The following DST variants were observed in gnomAD, a reference collection of about 807,000 sequenced individuals.
DST encodes the protein bullous pemphigoid antigen.
Under a neutral mutation model 875.2 loss-of-function variants are expected in DST, and 253 were observed. The observed-to-expected ratio is 0.29, with a 90% CI of 0.26 to 0.32. DST has a LOEUF of 0.32. Among genes scored for constraint, DST ranks in the 10% least tolerant of loss-of-function variants. The pLI is 1.00. For missense variants in DST, 8,287 were observed against 9,111.6 expected (o/e 0.91, Z 3.68); for synonymous variants, 3,124 against 3,197.1 (o/e 0.98, Z 0.77).
At chr6:56,575,065 C>T (rs2097844572) in intron 50 of DST, among the ~76,000 whole-genome samples, 1 of 152,132 alleles carries the variant, frequency 6.6e-6, no homozygotes, top group Non-Finnish European at 1.5e-5. Flanking sequence ...TCATGCTCCT[C>T]TTACTAAAAC....
intron 90 of DST, 68 bp from the exon 91 acceptor site, chr6:56,477,556 G>A: frequency 2.5e-6 from 4 of 1,584,402 alleles, no homozygotes; most frequent in Non-Finnish European, 3.5e-6. Context: ...GGTGGCATTT[G>A]TTTGACTGCC....
chr6:56,818,467 C>CA (rs944579010), intron 4 of DST, among the ~76,000 whole-genome samples: 2 of 152,012 alleles, frequency 1.3e-5, no homozygotes, highest in African/African-American at 4.8e-5. Context: ...TATGACAGAC[C>CA]AAATGGAGCA....
chr6:56,636,763 T>C (rs964627870), intron 22 of DST, 111 bp from the exon 23 acceptor site: 4 of 923,504 alleles, frequency 4.3e-6, no homozygotes, highest in African/African-American at 3.2e-5. Flanking sequence ...AGATGACCAA[T>C]TGTTTTGGCA....
intron 88 of DST, chr6:56,483,945 A>C (rs2095484783): frequency 6.6e-6 from 1 of 152,172 alleles, no homozygotes; most frequent in South Asian, 2.1e-4. Flanking sequence ...GCACACATGC[A>C]AATGGTACAG....
chr6:56,496,607 A>G (rs978110165), intron 82 of DST, among the ~76,000 whole-genome samples: 1 of 152,110 alleles, frequency 6.6e-6, no homozygotes, highest in Non-Finnish European at 1.5e-5. Context: ...TCAAGGCACA[A>G]TAATTTAATA....
intron 47 of DST, 75 bp downstream of exon 47, chr6:56,597,665 C>T: frequency 3.4e-6 from 5 of 1,460,646 alleles, no homozygotes; most frequent in Non-Finnish European, 4.6e-6. Flanking sequence ...GAAAAGAACT[C>T]ATGTGCTAGG....
intron 47 of DST, 46 bp from the exon 48 acceptor site, chr6:56,594,239 A>G (rs747310497): frequency 3.8e-5 from 56 of 1,471,918 alleles, no homozygotes; most frequent in Middle Eastern, 3.6e-4. Flanking sequence ...GTAACGGGGT[A>G]ACACCTGCAG....
At chr6:56,668,295 C>G (rs2152823734) in intron 10 of DST, among the ~76,000 whole-genome samples, 1 of 152,314 alleles carries the variant, frequency 6.6e-6, no homozygotes, top group Admixed American at 6.5e-5. Flanking sequence ...AGCCACTAAA[C>G]CTTCACTCAA....
intron 88 of DST, among the ~76,000 whole-genome samples, chr6:56,483,358 G>A (rs886734869): frequency 1.3e-5 from 2 of 152,036 alleles, no homozygotes; most frequent in Non-Finnish European, 1.5e-5. Flanking sequence ...TGTGTACCAC[G>A]GATGTCTTAG....
In DST at chr6:56,607,525, T is replaced by G. The variant is rs2098509017; in HGVS notation, c.7103A>C (p.Asn2368Thr). The change falls in exon 40 of 104, where the codon AAC (asparagine) becomes ACC (threonine). Residue 2368 changes from asparagine to threonine, a missense_variant. Transcript: ENST00000680361. Reference sequence around the variant, plus strand: ...TTCCACTCGGCTTTGATTTTCATAGTTTGTAAGTATGTTTTCAGAGTCACT... The same window carrying G: ...TTCCACTCGGCTTTGATTTTCATAGGTTGTAAGTATGTTTTCAGAGTCACT... ...LRSDSENILT[N>T]YENQSRVETN... The G allele has an allele frequency of 6.2e-7, 1 of 1,602,836 alleles. No individual in the cohort carries two copies. The highest frequency in any genetic ancestry group is 2.2e-5 in the East Asian group (1 of 44,554).
chr6:56,706,012 GAAA>G (rs1451328493), intron 5 of DST, among the ~76,000 whole-genome samples: 4 of 152,254 alleles, frequency 2.6e-5, no homozygotes, highest in Non-Finnish European at 5.9e-5. Context: ...TCCTTGTTTA[GAAA>G]AACCTGTAAA....
At chr6:56,692,783 C>T in intron 9 of DST, 1 of 1,289,804 alleles carries the variant, frequency 7.8e-7, no homozygotes, top group Non-Finnish European at 1.0e-6. Flanking sequence ...GAAGTGTTCA[C>T]ACAGTCAGAC....
intron 15 of DST, chr6:56,642,997 T>C (rs764299740): frequency 2.7e-4 from 342 of 1,254,862 alleles, no homozygotes; most frequent in Non-Finnish European, 3.5e-4. Flanking sequence ...CTAAAGCCAT[T>C]CGTTTGCTAG....
Position 56,954,626 on chromosome 6 carries a change from G to T in DST, c.-39C>A. ...CGAGGGCGACTCGACGGCGGGGCTG[G>T]AGGGCGGCGGCACAGGCACCCGCGC... On this transcript the variant is annotated 5_prime_UTR_variant, in exon 1 of 104. Transcript: ENST00000680361. The T allele has an allele frequency of 7.8e-7, 1 of 1,284,360 alleles. No homozygotes were observed. Among genetic ancestry groups the T allele is most frequent in the Non-Finnish European group, 1.0e-6 (1 of 982,502 alleles). 79.6% of individuals were successfully genotyped at this position (1,284,360 alleles called of 1,614,324 possible). A position where few individuals can be genotyped will look rare whatever the true frequency, so the allele number is the denominator to read the frequency against.
intron 2 of DST, among the ~76,000 whole-genome samples, chr6:56,923,643 T>C (rs946050651): frequency 6.6e-6 from 1 of 152,048 alleles, no homozygotes; most frequent in Non-Finnish European, 1.5e-5. Context: ...CCAAAAGCCA[T>C]TGAGCAGGAA....
Position 56,604,954 on chromosome 6 carries a change from G to A in DST, c.9674C>T (p.Thr3225Ile). Residue 3225 changes from threonine (T) to isoleucine (I), a missense_variant, in exon 40 of 104, where the codon ACA (threonine) becomes ATA (isoleucine). Thr to Ile is a moderately conservative substitution (Grantham distance 89). This residue lies in a region of DST where 3,138 missense variants were observed against 3,116.6 expected (regional missense o/e 1.01). Coordinates refer to ENST00000680361, the MANE Select transcript of DST (RefSeq NM_001374736.1). Reference sequence around the variant, plus strand: ...TTGGGTACTAGTGGACTTCTCTTTTGTATTATTAACTCCTAATTGTAAATG... The same window carrying A: ...TTGGGTACTAGTGGACTTCTCTTTTATATTATTAACTCCTAATTGTAAATG... ...KEHLQLGVNN[T>I]KEKSTSTQKD... 2.5e-6 allele frequency: 4 copies of A among 1,612,648 alleles called. No homozygotes were observed. Among genetic ancestry groups the A allele is most frequent in the Non-Finnish European group, 3.4e-6 (4 of 1,179,220 alleles).
At chr6:56,497,170 T>C (rs1473597908) in intron 82 of DST, among the ~76,000 whole-genome samples, 2 of 151,930 alleles carry the variant, frequency 1.3e-5, no homozygotes, top group Admixed American at 6.6e-5. Context: ...ATAATAATAA[T>C]AAAATTAAAA....
At chr6:56,629,997 C>A (rs79069052) in intron 31 of DST, among the ~76,000 whole-genome samples, 1 of 152,164 alleles carries the variant, frequency 6.6e-6, no homozygotes, top group Non-Finnish European at 1.5e-5. Flanking sequence ...AGCTTCGACT[C>A]CTCCTGCTGC....
chr6:56,509,904 A>G, intron 73 of DST, 31 bp from the exon 74 acceptor site: 1 of 1,492,802 alleles, frequency 6.7e-7, no homozygotes, highest in Non-Finnish European at 9.1e-7. Context: ...TCTTTTATGG[A>G]AAAAAGATCT....
Sources: gnomAD v4.1 joint callset for allele counts (sites outside exome capture counted in the v4.1 genomes callset) on GRCh38, gnomAD v4.1.1 for gene constraint, gnomAD v4.1.1 regional missense constraint, MANE v1.5 for transcripts, NCBI Gene and HGNC (gene_info 2026-07-23, HGNC 2026-07-21) for gene names.